The following CCDC149 variants were observed in gnomAD, a reference collection of about 807,000 sequenced individuals.
The protein encoded by CCDC149 is coiled-coil domain-containing protein 149.
Under a neutral mutation model 59.9 loss-of-function variants are expected in CCDC149, and 45 were observed. The observed-to-expected ratio is 0.75, with a 90% CI of 0.59 to 0.96. CCDC149 has a LOEUF of 0.96. Among genes scored for constraint, CCDC149 ranks in the 40% least tolerant of loss-of-function variants. The pLI is 0.00. For synonymous variants in CCDC149, 245 were observed against 260.6 expected (o/e 0.94, Z 0.58); for missense variants, 584 against 664.7 (o/e 0.88, Z 1.33).
rs757002053 is a variant in CCDC149 at position 24,876,594 on chromosome 4, A to T, written c.167T>A (p.Met56Lys). The T allele has an allele frequency of 6.2e-7, 1 of 1,614,152 alleles. No individual in the cohort carries two copies. The highest frequency in any genetic ancestry group is 2.2e-5 in the East Asian group (1 of 44,886). Residue 56 changes from methionine to lysine, a missense_variant, in exon 2 of 13, where the codon ATG becomes AAG. Transcript: ENST00000635206. ...GTGGCGCTCCCGGAGCTGATTGGCC[A>T]TGAGTTTGTACTGGTCCCTTTCCTG...
At chr4:24,930,971 A>G (rs1722570194) in intron 1 of CCDC149, among the ~76,000 whole-genome samples, 1 of 152,146 alleles carries the variant, frequency 6.6e-6, no homozygotes, top group African/African-American at 2.4e-5. Flanking sequence ...CACTGGTACT[A>G]CCTGCTTGGT....
intron 1 of CCDC149, among the ~76,000 whole-genome samples, chr4:24,923,175 G>C (rs1337342258): frequency 6.6e-6 from 1 of 152,168 alleles, no homozygotes; most frequent in Non-Finnish European, 1.5e-5. Flanking sequence ...TAACTATGGG[G>C]ACAAGGTCAC....
At chr4:24,959,299 A>G (rs1457342355) in intron 1 of CCDC149, among the ~76,000 whole-genome samples, 2 of 152,136 alleles carry the variant, frequency 1.3e-5, no homozygotes, top group African/African-American at 2.4e-5. Flanking sequence ...AATATAAAGA[A>G]TATCAGTGAC....
At chr4:24,810,729 A>C (rs1010809885) in intron 12 of CCDC149, among the ~76,000 whole-genome samples, 1 of 152,238 alleles carries the variant, frequency 6.6e-6, no homozygotes, top group African/African-American at 2.4e-5. Flanking sequence ...AATTGAGAGC[A>C]GACATATTAA....
chr4:24,971,097 T>C (rs1467466292), intron 1 of CCDC149, among the ~76,000 whole-genome samples: 4 of 152,294 alleles, frequency 2.6e-5, no homozygotes, highest in East Asian at 1.9e-4. Context: ...TCCCTGACAA[T>C]TGGCAGAATA....
intron 3 of CCDC149, among the ~76,000 whole-genome samples, chr4:24,865,778 C>T (rs907499986): frequency 1.3e-5 from 2 of 152,198 alleles, no homozygotes; most frequent in African/African-American, 4.8e-5. Context: ...GTTCTTTAGA[C>T]TCATTGAGCC....
intron 1 of CCDC149, among the ~76,000 whole-genome samples, chr4:24,923,601 CA>C (rs1175208649): frequency 6.6e-6 from 1 of 152,080 alleles, no homozygotes; most frequent in Non-Finnish European, 1.5e-5. Context: ...AGGAGTAGCA[CA>C]GGGGCAGAGA....
intron 3 of CCDC149, among the ~76,000 whole-genome samples, chr4:24,864,368 A>ATG: frequency 6.6e-6 from 1 of 152,222 alleles, no homozygotes; most frequent in South Asian, 2.1e-4. Context: ...GCCTTTTGAG[A>ATG]TGTCTTTCTA....
intron 1 of CCDC149, among the ~76,000 whole-genome samples, chr4:24,967,389 C>T (rs544517407): frequency 6.2e-4 from 95 of 152,316 alleles, no homozygotes; most frequent in African/African-American, 2.2e-3. Flanking sequence ...CCTGATGGAA[C>T]TTGGCAGATG....
chr4:24,963,080 C>A (rs935264131), intron 1 of CCDC149, among the ~76,000 whole-genome samples: 1 of 152,046 alleles, frequency 6.6e-6, no homozygotes, highest in African/African-American at 2.4e-5. Context: ...ACTTTCATTA[C>A]TCCAGCCAAA....
At chr4:24,960,384 C>T (rs1320954695) in intron 1 of CCDC149, among the ~76,000 whole-genome samples, 1 of 151,972 alleles carries the variant, frequency 6.6e-6, no homozygotes, top group Non-Finnish European at 1.5e-5. Flanking sequence ...AATACTCAGT[C>T]CCAAAGAAGA....
intron 1 of CCDC149, among the ~76,000 whole-genome samples, chr4:24,910,548 A>T (rs568730307): frequency 6.6e-6 from 1 of 152,334 alleles, no homozygotes; most frequent in South Asian, 2.1e-4. Flanking sequence ...ACTCTGATGC[A>T]GGTGATCTGT....
chr4:24,874,563 C>A (rs1719290989), intron 2 of CCDC149, among the ~76,000 whole-genome samples: 1 of 152,086 alleles, frequency 6.6e-6, no homozygotes, highest in South Asian at 2.1e-4. Flanking sequence ...GCCTGGGCAA[C>A]AGAGTGAGAC....
intron 3 of CCDC149, among the ~76,000 whole-genome samples, chr4:24,855,431 T>G (rs931257712): frequency 6.6e-6 from 1 of 152,084 alleles, no homozygotes; most frequent in African/African-American, 2.4e-5. Context: ...CCAGGCATAG[T>G]AGCACATGCC....
intron 9 of CCDC149, chr4:24,830,208 G>A (rs536107244): frequency 6.6e-6 from 1 of 152,518 alleles, no homozygotes; most frequent in African/African-American, 2.4e-5. Context: ...CCAGGGTTTA[G>A]AAGATGTGAG....
At chr4:24,884,666 C>T (rs1720048666) in intron 1 of CCDC149, among the ~76,000 whole-genome samples, 1 of 152,216 alleles carries the variant, frequency 6.6e-6, no homozygotes, top group South Asian at 2.1e-4. Flanking sequence ...GGCTTTGTCA[C>T]TCACTAGCGA....
In CCDC149 at chr4:24,808,539, T is replaced by A. The variant is rs1302261605; in HGVS notation, c.1473A>T (p.Pro491=). ...CCTGGATGGCCAGGCCTGGCGGGGC[T>A]GGCCCCGTCTCACTCCTCTGACCTT... Residue 491 remains proline (P), a synonymous_variant, in exon 13 of 13, where the codon CCA becomes CCT. Coordinates refer to ENST00000635206, the MANE Select transcript of CCDC149 (RefSeq NM_001330643.2). 10 of 1,547,410 alleles carry A rather than the reference T, an allele frequency of 6.5e-6. No individual in the cohort carries two copies. The East Asian group carries it at 2.2e-4, about 34-fold the overall frequency.
At chr4:24,963,420 G>A (rs770710787) in intron 1 of CCDC149, among the ~76,000 whole-genome samples, 1 of 152,048 alleles carries the variant, frequency 6.6e-6, no homozygotes, top group African/African-American at 2.4e-5. Context: ...GGCAGTTTGG[G>A]TAGTCGCCAC....
chr4:24,846,184 C>A (rs699475), intron 4 of CCDC149, among the ~76,000 whole-genome samples: 1 of 152,062 alleles, frequency 6.6e-6, no homozygotes, highest in Admixed American at 6.5e-5. Context: ...AAACATTAGA[C>A]ACTGCTGAAC....
Sources: allele counts gnomAD v4.1 joint callset (sites outside exome capture counted in the v4.1 genomes callset), GRCh38; gene constraint gnomAD v4.1.1; transcripts MANE v1.5; gene names NCBI Gene and HGNC (gene_info 2026-07-23, HGNC 2026-07-21).